SETD1B: variants seen among roughly 807,000 people sequenced by gnomAD.
SETD1B encodes histone-lysine N-methyltransferase SETD1B.
A neutral mutation model predicts 148.0 loss-of-function variants in SETD1B; 7 were observed. The observed-to-expected ratio is 0.05, with a 90% CI of 0.03 to 0.09. The LOEUF (loss-of-function observed/expected upper bound fraction) is 0.09. SETD1B is among the 10% of genes least tolerant of loss of function. The pLI is 1.00. For synonymous variants in SETD1B, 1,361 were observed against 1,186.5 expected, an observed-to-expected ratio of 1.15 and a Z score of -3.02; for missense variants, 2,155 against 2,729.9, an observed-to-expected ratio of 0.79 and a Z score of 4.69.
rs1292243146 is a variant in SETD1B at position 121,805,784 on chromosome 12, C to T, written c.274-51C>T. The T allele has an allele frequency of 2.6e-6, 4 of 1,511,364 alleles. No homozygotes were observed. Among genetic ancestry groups the T allele is most frequent in the African/African-American group, 2.8e-5 (2 of 71,606 alleles). 93.6% of individuals were successfully genotyped at this position (1,511,364 alleles called of 1,614,324 possible). On this transcript the variant is annotated intron_variant, in intron 3 of 16. Coordinates refer to ENST00000604567, the MANE Select transcript of SETD1B (RefSeq NM_001353345.2). The surrounding 1 kb of genome is among the most constrained non-coding windows in gnomAD (Gnocchi z 4.2). ...CGGGGCGGGGGGGATGTTGTGTTTT[C>T]CCTTAGGTTTAAACGTTCTTCAAAC...
chr12:121,799,396 CTCTGT>C (rs1378869953), upstream of SETD1B: 1 of 152,210 alleles, frequency 6.6e-6, no homozygotes, highest in Non-Finnish European at 1.5e-5. Context: ...AACCTCGGGT[CTCTGT>C]TCTTTGCCTC....
chr12:121,816,916 T>C, intron 7 of SETD1B, 117 bp from the exon 8 acceptor site: 1 of 876,154 alleles, frequency 1.1e-6, no homozygotes, highest in Non-Finnish European at 1.7e-6. Context: ...GGAATGAGGA[T>C]GCAGTTACCT....
rs905454491 is a variant in SETD1B at position 121,825,994 on chromosome 12, T to C, written c.5337+628T>C. Among the ~76,000 whole-genome samples the C allele has an allele frequency of 5.9e-5, 9 of 152,264 alleles. No individual in the cohort carries two copies. The East Asian group carries it at 1.7e-3, about 29-fold the overall frequency. Reference sequence around the variant, plus strand: ...GTAAATATCTGTTGAGTACATGCTGTGTACCGGGCACTGTTCTGGGTCTAT... The same window carrying C: ...GTAAATATCTGTTGAGTACATGCTGCGTACCGGGCACTGTTCTGGGTCTAT... On this transcript the variant is annotated intron_variant, in intron 13 of 16. Coordinates refer to ENST00000604567, the MANE Select transcript of SETD1B (RefSeq NM_001353345.2).
intron 10 of SETD1B, among the ~76,000 whole-genome samples, chr12:121,818,111 G>C (rs1289558134): frequency 1.3e-5 from 2 of 152,216 alleles, no homozygotes; most frequent in Non-Finnish European, 2.9e-5. Context: ...ATAGAAAGCA[G>C]GTCTGTGGTC....
chr12:121,790,541 C>G, the SETD1B span, among the ~76,000 whole-genome samples: 46 of 152,364 alleles, frequency 3.0e-4, no homozygotes, highest in Middle Eastern at 6.8e-3. Flanking sequence ...TGCTCCATGA[C>G]AAGCACTGGG....
In SETD1B at chr12:121,813,222, A is replaced by G. The variant is rs1876124373; in HGVS notation, c.1891-884A>G. On this transcript the variant is annotated intron_variant, in intron 6 of 16. Transcript: ENST00000604567. ...CGCCCTGTGAGGTTATCTTTCGGAT[A>G]AAAAATGAGGCAGCCGTCTGCAGCG... 6.6e-5 allele frequency among the ~76,000 whole-genome samples: 10 copies of G among 152,366 alleles called. No homozygotes were observed. The South Asian group carries it at 2.1e-3, about 32-fold the overall frequency.
upstream of SETD1B, chr12:121,799,198 T>A (rs1325231399): frequency 6.6e-6 from 1 of 152,206 alleles, no homozygotes; most frequent in East Asian, 1.9e-4. Context: ...AGAAATAGGC[T>A]TGGAGGCTAT....
At position 121,804,898 on chromosome 12, in the gene SETD1B, A is replaced by T; in HGVS notation, c.161A>T (p.His54Leu). Residue 54 changes from histidine to leucine, a missense_variant, in exon 2 of 17, where the codon CAT becomes CTT. Physicochemically the swap from His to Leu is moderately conservative, Grantham distance 99. This residue lies in a region of SETD1B where 124 missense variants were observed against 282.9 expected (regional missense o/e 0.44). Transcript: ENST00000604567. The surrounding 1 kb of genome is among the most constrained non-coding windows in gnomAD (Gnocchi z 4.6). ...AAACTGTACCGCTACGATGGGCAGC[A>T]TTTCAGCCTGGCGGTGAGTAGCCGG... ...HHKLYRYDGQ[H>L]FSLAMSSNRP... 1 of 1,520,974 alleles carries T rather than the reference A, an allele frequency of 6.6e-7. No homozygotes were observed. Among genetic ancestry groups the T allele is most frequent in the Non-Finnish European group, 8.8e-7 (1 of 1,133,264 alleles). 94.2% of individuals were successfully genotyped at this position (1,520,974 alleles called of 1,614,324 possible). A position where few individuals can be genotyped will look rare whatever the true frequency, so the allele number is the denominator to read the frequency against.
In SETD1B at chr12:121,810,632, C is replaced by G. The variant is rs764425007; in HGVS notation, c.1687C>G (p.Arg563Gly). The change falls in exon 6 of 17, where the codon CGC becomes GGC. Residue 563 changes from arginine to glycine, a missense_variant. Transcript: ENST00000604567. The surrounding 1 kb of genome is among the most constrained non-coding windows in gnomAD (Gnocchi z 7.6). Reference protein sequence around the residue: ...GFRGPTPPSSRPSSTGLEDIS... With the variant: ...GFRGPTPPSSGPSSTGLEDIS... The stretch of plus-strand genomic sequence containing the variant: ...CCGGGGCCCCACGCCCCCCTCGTCA[C>G]GCCCCTCCAGCACCGGCCTGGAGGA... 6.5e-7 allele frequency: 1 copy of G among 1,548,540 alleles called. No individual in the cohort carries two copies. Among genetic ancestry groups the G allele is most frequent in the Non-Finnish European group, 8.7e-7 (1 of 1,146,442 alleles).
chr12:121,823,444 C>A lies in SETD1B; in HGVS notation c.4865C>A (p.Pro1622His), dbSNP rs1281192329. The change falls in exon 12 of 17, where the codon CCC becomes CAC. Residue 1622 changes from proline to histidine, a missense_variant. Pro to His is a moderately conservative substitution (Grantham distance 77). Coordinates refer to ENST00000604567, the MANE Select transcript of SETD1B (RefSeq NM_001353345.2). ...QWPSEAIPPG[P>H]RGRDEVTEEY... is the part of the protein sequence containing the mutation. ...CCCTCCGAGGCCATTCCTCCGGGCC[C>A]CCGTGGGCGCGATGAGGTCACTGAG... 2 of 1,549,572 alleles carry A rather than the reference C, an allele frequency of 1.3e-6. No homozygotes were observed. The highest frequency in any genetic ancestry group is 2.7e-5 in the African/African-American group (2 of 72,890).
the SETD1B span, among the ~76,000 whole-genome samples, chr12:121,790,582 C>T: frequency 6.6e-6 from 1 of 152,246 alleles, no homozygotes; most frequent in African/African-American, 2.4e-5. Flanking sequence ...CACTCACTGA[C>T]CAGGGGATTT....
chr12:121,793,065 G>T, the SETD1B span: 1 of 1,150,304 alleles, frequency 8.7e-7, no homozygotes, highest in Non-Finnish European at 1.3e-6. Flanking sequence ...AGGCTGCAGG[G>T]CGGGGACACC....
intron 13 of SETD1B, among the ~76,000 whole-genome samples, chr12:121,826,559 A>C (rs1294631047): frequency 2.0e-5 from 3 of 152,162 alleles, no homozygotes; most frequent in Non-Finnish European, 4.4e-5. Context: ...TGGGAGAGAC[A>C]GCACAGGCCA....
chr12:121,790,253 AC>A, the SETD1B span, among the ~76,000 whole-genome samples: 1 of 152,090 alleles, frequency 6.6e-6, no homozygotes, highest in Non-Finnish European at 1.5e-5. Context: ...TCTGAGAGCC[AC>A]CCCTGTCTCA....
chr12:121,822,974 G>T lies in SETD1B; in HGVS notation c.4395G>T (p.Pro1465=). ...RDERSGPLAS[P]VLLETGLPLP... ...AACGCTCCGGGCCCCTGGCCTCCCC[G>T]GTGCTCCTGGAGACGGGCCTGCCCC... is the stretch of plus-strand genomic sequence containing the variant. The change falls in exon 12 of 17, where the codon CCG becomes CCT. Residue 1465 remains proline (P), a synonymous_variant. Coordinates refer to ENST00000604567, the MANE Select transcript of SETD1B (RefSeq NM_001353345.2). The T allele has an allele frequency of 6.5e-7, 1 of 1,536,454 alleles. No individual in the cohort carries two copies.
rs928076596 is a variant in SETD1B, at chr12:121,822,473, C to G, written c.3911-17C>G. 1.3e-6 allele frequency: 2 copies of G among 1,517,810 alleles called. No homozygotes were observed. Among genetic ancestry groups the G allele is most frequent in the Non-Finnish European group, 1.8e-6 (2 of 1,126,496 alleles). The allele number at this position is 1,517,810 out of a possible 1,614,324, so 94.0% of individuals were successfully genotyped here. On this transcript the variant is annotated splice_polypyrimidine_tract_variant and intron_variant, in intron 11 of 16. Coordinates refer to ENST00000604567, the MANE Select transcript of SETD1B (RefSeq NM_001353345.2). ...GATTGAATAGTAAATGTCTCGTGTTCGCTCACCTCTCTGCAGAACATGACC... is the reference window on the plus strand; with the variant it reads ...GATTGAATAGTAAATGTCTCGTGTTGGCTCACCTCTCTGCAGAACATGACC...
At chr12:121,793,277 C>G in the SETD1B span, 828 of 1,528,142 alleles carry the variant, frequency 5.4e-4, no homozygotes, top group Non-Finnish European at 6.9e-4. Context: ...TTAGTGGGGC[C>G]GGCGGGGGCC....
At chr12:121,815,764 GGGCTGGGATTATATGCGT>G (rs1233437781) in intron 7 of SETD1B, among the ~76,000 whole-genome samples, 1 of 151,762 alleles carries the variant, frequency 6.6e-6, no homozygotes, top group Non-Finnish European at 1.5e-5. Flanking sequence ...TCTGCCTTTT[GGGCTGGGATTATATGCGT>G]CAGCCACCGC....
chr12:121,822,796 G>A lies in SETD1B; in HGVS notation c.4217G>A (p.Ser1406Asn). The A allele has an allele frequency of 1.3e-6, 2 of 1,511,526 alleles. No homozygotes were observed. The highest frequency in any genetic ancestry group is 1.8e-6 in the Non-Finnish European group (2 of 1,124,574). 93.6% of individuals were successfully genotyped at this position (1,511,526 alleles called of 1,614,324 possible). Residue 1406 changes from serine (S) to asparagine (N), a missense_variant, in exon 12 of 17, where the codon AGC (serine) becomes AAC (asparagine). By Grantham distance (46) the Ser-to-Asn change is conservative. Around this residue, in one of 11 missense-constraint regions of SETD1B, gnomAD observed 862 missense variants for 873.8 expected, o/e 0.99. Transcript: ENST00000604567. ...CTGAGCTCTCCGCAAGTGCCCGGCAGCCCCTTCTCCTACCCAGCCCCGTCC... is the reference window on the plus strand; with the variant it reads ...CTGAGCTCTCCGCAAGTGCCCGGCAACCCCTTCTCCTACCCAGCCCCGTCC... The part of the protein sequence containing the change: ...LSLSSPQVPG[S>N]PFSYPAPSPS...
Sources: allele counts gnomAD v4.1 joint callset (sites outside exome capture counted in the v4.1 genomes callset), GRCh38; gene constraint gnomAD v4.1.1; regional missense constraint gnomAD v4.1.1; non-coding constraint Gnocchi (gnomAD v3.1); transcripts MANE v1.5; gene names NCBI Gene and HGNC (gene_info 2026-07-23, HGNC 2026-07-21).